The following CBX6 variants were observed in gnomAD, a reference collection of about 807,000 sequenced individuals.
CBX6 encodes the protein chromobox protein homolog 6.
Under a neutral mutation model 28.4 loss-of-function variants are expected in CBX6, and 7 were observed. That is an observed-to-expected ratio of 0.25 (90% CI 0.14 to 0.46). CBX6 has a LOEUF of 0.46. CBX6 is among the 20% of genes least tolerant of loss of function. The pLI, the probability that CBX6 is intolerant of heterozygous loss-of-function variation, is 0.99. For synonymous variants in CBX6, 297 were observed against 273.4 expected (o/e 1.09, Z -0.85); for missense variants, 512 against 606.1 (o/e 0.84, Z 1.63).
rs1258386916 is a variant in CBX6 at position 38,866,076 on chromosome 22, C to T, written c.*133G>A. On this transcript the variant is annotated 3_prime_UTR_variant, in exon 5 of 5. Coordinates refer to ENST00000407418, the MANE Select transcript of CBX6 (RefSeq NM_014292.5). The surrounding 1 kb of genome is among the most constrained non-coding windows in gnomAD (Gnocchi z 7.5). ...GGACCCCAACTACCCAGCCCCATCC[C>T]TGGGTCAACACCGAGCCATTTGAGA... 1.3e-6 allele frequency: 1 copy of T among 753,504 alleles called. No homozygotes were observed. Among genetic ancestry groups the T allele is most frequent in the Non-Finnish European group, 2.1e-6 (1 of 475,308 alleles). The allele number at this position is 753,504 out of a possible 1,614,324, so 46.7% of individuals were successfully genotyped here.
chr22:38,872,186 T>G lies in CBX6; in HGVS notation c.5A>C (p.Glu2Ala). The G allele has an allele frequency of 7.1e-7, 1 of 1,403,824 alleles. No homozygotes were observed. The highest frequency in any genetic ancestry group is 9.4e-7 in the Non-Finnish European group (1 of 1,060,486). The allele number at this position is 1,403,824 out of a possible 1,614,324, so 87.0% of individuals were successfully genotyped here. A position where few individuals can be genotyped will look rare whatever the true frequency, so the allele number is the denominator to read the frequency against. The change falls in exon 1 of 5, where the codon GAG becomes GCG. Residue 2 changes from glutamate (E) to alanine (A), a missense_variant. Physicochemically the swap from Glu to Ala is moderately radical, Grantham distance 107. Around this residue, in one of 7 missense-constraint regions of CBX6, gnomAD observed 27 missense variants for 30.9 expected, o/e 0.87. Coordinates refer to ENST00000407418, the MANE Select transcript of CBX6 (RefSeq NM_014292.5). This position sits in a 1 kb window ranked among gnomAD's most constrained non-coding sequence, Gnocchi z 5.0. MELSAVGERVFA... is the reference protein window; with the variant it reads MALSAVGERVFA... The stretch of plus-strand genomic sequence containing the variant: ...GACCCGCTCGCCCACTGCAGACAGC[T>G]CCATCTTGCTCAGCGGCACCCACAG...
At position 38,871,873 on chromosome 22, in the gene CBX6, G is replaced by A; in HGVS notation, c.113+29C>T. 6 of 1,516,210 alleles carry A rather than the reference G, an allele frequency of 4.0e-6. No individual in the cohort carries two copies. The highest frequency in any genetic ancestry group is 5.4e-6 in the Non-Finnish European group (6 of 1,121,144). The allele number at this position is 1,516,210 out of a possible 1,614,324, so 93.9% of individuals were successfully genotyped here. ...CCCGGTGCCCGCTGCCTCCCCTCCC[G>A]CGACGCCCCCGGACCCCGCGACACT... On this transcript the variant is annotated intron_variant, in intron 2 of 4. Coordinates refer to ENST00000407418, the MANE Select transcript of CBX6 (RefSeq NM_014292.5). The surrounding 1 kb of genome is among the most constrained non-coding windows in gnomAD (Gnocchi z 5.6).
chr22:38,871,204 C>A lies in CBX6; in HGVS notation c.246+276G>T. On this transcript the variant is annotated intron_variant, in intron 4 of 4. Transcript: ENST00000407418. This position sits in a 1 kb window ranked among gnomAD's most constrained non-coding sequence, Gnocchi z 5.6. ...GGCATCCCCCACCTGCCTCAGCCAC[C>A]CCCTTTCCTGGAGCCCTAAAGGCAT... The A allele has an allele frequency of 1.8e-6, 1 of 544,772 alleles. No homozygotes were observed. The highest frequency in any genetic ancestry group is 3.2e-6 in the Non-Finnish European group (1 of 307,822). The allele number at this position is 544,772 out of a possible 1,614,324, so 33.7% of individuals were successfully genotyped here. A position where few individuals can be genotyped will look rare whatever the true frequency, so the allele number is the denominator to read the frequency against.
chr22:38,869,157 T>C (rs948565307), intron 4 of CBX6, among the ~76,000 whole-genome samples: 2 of 152,222 alleles, frequency 1.3e-5, no homozygotes, highest in South Asian at 2.1e-4. Context: ...TTTGGCGTGG[T>C]AAGCAGACAT....
chr22:38,866,381 C>T lies in CBX6; in HGVS notation c.1067G>A (p.Gly356Glu). ...GGGTGACATCTCGGGGCGCCAGTCC[C>T]CAGCCTCGGGCTCGGAGGAGGCACC... ...PAGASSEPEAGDWRPEMSPCS... is the reference protein window; with the variant it reads ...PAGASSEPEAEDWRPEMSPCS... Residue 356 changes from glycine (G) to glutamate (E), a missense_variant, in exon 5 of 5, where the codon GGG (glycine) becomes GAG (glutamate). By Grantham distance (98) the Gly-to-Glu change is moderately conservative (BLOSUM62 -2). Transcript: ENST00000407418. The surrounding 1 kb of genome is among the most constrained non-coding windows in gnomAD (Gnocchi z 7.5). 1 of 1,613,552 alleles carries T rather than the reference C, an allele frequency of 6.2e-7. No individual in the cohort carries two copies. Among genetic ancestry groups the T allele is most frequent in the Non-Finnish European group, 8.5e-7 (1 of 1,179,950 alleles).
At position 38,871,029 on chromosome 22, in the gene CBX6, C is replaced by T. The variant is rs1275869769; in HGVS notation, c.246+451G>A. 1 of 170,864 alleles carries T rather than the reference C, an allele frequency of 5.9e-6. No individual in the cohort carries two copies. Among genetic ancestry groups the T allele is most frequent in the Non-Finnish European group, 1.3e-5 (1 of 79,306 alleles). 10.6% of individuals were successfully genotyped at this position (170,864 alleles called of 1,614,324 possible). Reference sequence around the variant, plus strand: ...GCCATGAAGAACAAATCCTGAAAGACTGAACGGGGGAAGCTGGGGGCAGGG... The same window carrying T: ...GCCATGAAGAACAAATCCTGAAAGATTGAACGGGGGAAGCTGGGGGCAGGG... On this transcript the variant is annotated intron_variant, in intron 4 of 4. Coordinates refer to ENST00000407418, the MANE Select transcript of CBX6 (RefSeq NM_014292.5). The surrounding 1 kb of genome is among the most constrained non-coding windows in gnomAD (Gnocchi z 5.6).
intron 4 of CBX6, among the ~76,000 whole-genome samples, chr22:38,868,336 G>A (rs527285045): frequency 3.2e-4 from 48 of 152,314 alleles, no homozygotes; most frequent in African/African-American, 1.1e-3. Context: ...TTCGTGCAGC[G>A]AAAGAACCAC....
Position 38,866,730 on chromosome 22 carries a change from C to A in CBX6, c.718G>T (p.Ala240Ser). 7.9e-7 allele frequency: 1 copy of A among 1,265,674 alleles called. No individual in the cohort carries two copies. Among genetic ancestry groups the A allele is most frequent in the Non-Finnish European group, 1.0e-6 (1 of 964,236 alleles). 78.4% of individuals were successfully genotyped at this position (1,265,674 alleles called of 1,614,324 possible). A position where few individuals can be genotyped will look rare whatever the true frequency, so the allele number is the denominator to read the frequency against. ...CCGGGGGACGGGGCTACCAGGGGGGCGGGCGGAGGCTTGTACAGCGCAAAG... is the reference window on the plus strand; with the variant it reads ...CCGGGGGACGGGGCTACCAGGGGGGAGGGCGGAGGCTTGTACAGCGCAAAG... ...GAFALYKPPP[A>S]PLVAPSPGKA... The change falls in exon 5 of 5, where the codon GCC becomes TCC. Residue 240 changes from alanine (A) to serine (S), a missense_variant. By Grantham distance (99) the Ala-to-Ser change is moderately conservative (BLOSUM62 1). This residue lies in a region of CBX6 where 290 missense variants were observed against 274.1 expected (regional missense o/e 1.06). Transcript: ENST00000407418. This position sits in a 1 kb window ranked among gnomAD's most constrained non-coding sequence, Gnocchi z 7.5.
intron 4 of CBX6, among the ~76,000 whole-genome samples, chr22:38,867,910 T>C (rs2093174436): frequency 6.6e-6 from 1 of 152,220 alleles, no homozygotes; most frequent in African/African-American, 2.4e-5. Flanking sequence ...AGACGTGAGT[T>C]TGGTGGGGAC....
At position 38,870,606 on chromosome 22, in the gene CBX6, A is replaced by AAAAGAGTCCT. The variant is rs1203061250; in HGVS notation, c.246+864_246+873dup. ...TTTCACTTCTGCTTCTCTTCTCCGA[A>AAAAGAGTCCT]AAAGAGTCCTCCCACAAAGTCACCG... On this transcript the variant is annotated intron_variant, in intron 4 of 4. Coordinates refer to ENST00000407418, the MANE Select transcript of CBX6 (RefSeq NM_014292.5). This position sits in a 1 kb window ranked among gnomAD's most constrained non-coding sequence, Gnocchi z 4.3. 1 of 152,230 alleles carries AAAAGAGTCCT rather than the reference A, an allele frequency of 6.6e-6. No individual in the cohort carries two copies. The allele number at this position is 152,230 out of a possible 1,614,324, so 9.4% of individuals were successfully genotyped here.
In CBX6 at chr22:38,865,889, A is replaced by C; in HGVS notation, c.*320T>G. The stretch of plus-strand genomic sequence containing the variant: ...ACCGAGAAATCAGACGCCGCACAGG[A>C]GAGCAGGAAGCAAGCTAGAGAGACA... On this transcript the variant is annotated 3_prime_UTR_variant, in exon 5 of 5. Coordinates refer to ENST00000407418, the MANE Select transcript of CBX6 (RefSeq NM_014292.5). The C allele has an allele frequency of 2.9e-6, 1 of 350,054 alleles. No homozygotes were observed. 21.7% of individuals were successfully genotyped at this position (350,054 alleles called of 1,614,324 possible). A position where few individuals can be genotyped will look rare whatever the true frequency, so the allele number is the denominator to read the frequency against.
At chr22:38,869,437 G>C (rs1034385026) in intron 4 of CBX6, 3 of 151,936 alleles carry the variant, frequency 2.0e-5, no homozygotes, top group Non-Finnish European at 4.4e-5. Context: ...GCTCAGCACA[G>C]TGCCTGGCAC....
At position 38,863,688 on chromosome 22, in the gene CBX6, G is replaced by A. The variant is rs543073876; in HGVS notation, c.*2521C>T. On this transcript the variant is annotated 3_prime_UTR_variant, in exon 5 of 5. Coordinates refer to ENST00000407418, the MANE Select transcript of CBX6 (RefSeq NM_014292.5). ...GCAGAAGCAGACCACCTGTGGCAAG[G>A]GAAATGCATTCCCTCTCCCCAGCCA... is the stretch of plus-strand genomic sequence containing the variant. The A allele has an allele frequency of 1.3e-5, 2 of 152,306 alleles. No homozygotes were observed. Among genetic ancestry groups the A allele is most frequent in the African/African-American group, 4.8e-5 (2 of 41,458 alleles). 9.4% of individuals were successfully genotyped at this position (152,306 alleles called of 1,614,324 possible).
In CBX6 at chr22:38,863,227, G is replaced by A. The variant is rs1470703640; in HGVS notation, c.*2982C>T. On this transcript the variant is annotated 3_prime_UTR_variant, in exon 5 of 5. Transcript: ENST00000407418. The stretch of plus-strand genomic sequence containing the variant: ...CAGAGTGGGCACCCAGACAGGGATG[G>A]GTCCCAACTTACCGTCTCAAACCAG... 1 of 152,160 alleles carries A rather than the reference G, an allele frequency of 6.6e-6. No individual in the cohort carries two copies. The highest frequency in any genetic ancestry group is 2.1e-4 in the South Asian group (1 of 4,830). The allele number at this position is 152,160 out of a possible 1,614,324, so 9.4% of individuals were successfully genotyped here. A position where few individuals can be genotyped will look rare whatever the true frequency, so the allele number is the denominator to read the frequency against.
At position 38,866,654 on chromosome 22, in the gene CBX6, G is replaced by A. The variant is rs550724234; in HGVS notation, c.794C>T (p.Ala265Val). 3 of 1,531,930 alleles carry A rather than the reference G, an allele frequency of 2.0e-6. No individual in the cohort carries two copies. Among genetic ancestry groups the A allele is most frequent in the Non-Finnish European group, 2.6e-6 (3 of 1,144,324 alleles). The allele number at this position is 1,531,930 out of a possible 1,614,324, so 94.9% of individuals were successfully genotyped here. The part of the protein sequence containing the change: ...PGPGLLLAAP[A>V]APYDARSSGS... ...AGAGCTGCGGGCGTCGTAGGGGGCG[G>A]CGGGGGCGGCCAGAAGTAGCCCAGG... The change falls in exon 5 of 5, where the codon GCC becomes GTC. Residue 265 changes from alanine to valine, a missense_variant. Ala to Val is a moderately conservative substitution (Grantham distance 64). Coordinates refer to ENST00000407418, the MANE Select transcript of CBX6 (RefSeq NM_014292.5). This position sits in a 1 kb window ranked among gnomAD's most constrained non-coding sequence, Gnocchi z 7.5.
chr22:38,866,455 C>T lies in CBX6; in HGVS notation c.993G>A (p.Glu331=). ...GTGCCGGGCCGGCAGCAGCTGTGAC[C>T]TCAGGCGGTGCCCGCTTGCTGGTGG... is the stretch of plus-strand genomic sequence containing the variant. ...SAATSKRAPP[E]VTAAAGPAPP... The change falls in exon 5 of 5, where the codon GAG becomes GAA. Residue 331 remains glutamate (E), a synonymous_variant. Coordinates refer to ENST00000407418, the MANE Select transcript of CBX6 (RefSeq NM_014292.5). This position sits in a 1 kb window ranked among gnomAD's most constrained non-coding sequence, Gnocchi z 7.5. 6.2e-7 allele frequency: 1 copy of T among 1,607,086 alleles called. No homozygotes were observed. The highest frequency in any genetic ancestry group is 8.5e-7 in the Non-Finnish European group (1 of 1,178,756).
rs1384087497 is a variant in CBX6, at chr22:38,866,101, ACAAG to A, written c.*104_*107del. On this transcript the variant is annotated 3_prime_UTR_variant, in exon 5 of 5. Transcript: ENST00000407418. This position sits in a 1 kb window ranked among gnomAD's most constrained non-coding sequence, Gnocchi z 7.5. Reference sequence around the variant, plus strand: ...CTGGGTCAACACCGAGCCATTTGAGACAAGCAAAGCACAGGGAGAGAGGGCTGGG... The same window carrying A: ...CTGGGTCAACACCGAGCCATTTGAGACAAAGCACAGGGAGAGAGGGCTGGG... 4.5e-6 allele frequency: 4 copies of A among 882,428 alleles called. No homozygotes were observed. The highest frequency in any genetic ancestry group is 6.8e-6 in the Non-Finnish European group (4 of 588,098). The allele number at this position is 882,428 out of a possible 1,614,324, so 54.7% of individuals were successfully genotyped here. A position where few individuals can be genotyped will look rare whatever the true frequency, so the allele number is the denominator to read the frequency against.
In CBX6 at chr22:38,867,014, C is replaced by T. The variant is rs771664850; in HGVS notation, c.434G>A (p.Gly145Glu). Reference sequence around the variant, plus strand: ...GAAGGGCGAAATGGGCGGGCGCAGTCCGGGGCTGCCCCCCTGCGGGTCCGG... The same window carrying T: ...GAAGGGCGAAATGGGCGGGCGCAGTTCGGGGCTGCCCCCCTGCGGGTCCGG... ...PRPDPQGGSP[G>E]LRPPISPFSE... is the part of the protein sequence containing the mutation. Residue 145 changes from glycine to glutamate, a missense_variant, in exon 5 of 5, where the codon GGA becomes GAA. Physicochemically the swap from Gly to Glu is moderately conservative, Grantham distance 98. This residue lies in a region of CBX6 where 123 missense variants were observed against 138.1 expected (regional missense o/e 0.89). Coordinates refer to ENST00000407418, the MANE Select transcript of CBX6 (RefSeq NM_014292.5). 7 of 1,605,752 alleles carry T rather than the reference C, an allele frequency of 4.4e-6. No individual in the cohort carries two copies. The highest frequency in any genetic ancestry group is 5.9e-6 in the Non-Finnish European group (7 of 1,177,420).
chr22:38,866,806 C>T lies in CBX6; in HGVS notation c.642G>A (p.Lys214=), dbSNP rs756044775. Reference sequence around the variant, plus strand: ...GTGTACGCAGGACGCTCTCGCTGAACTTCTTGCTCTTGCCTATAACGCGGT... The same window carrying T: ...GTGTACGCAGGACGCTCTCGCTGAATTTCTTGCTCTTGCCTATAACGCGGT... ...SRNRVIGKSK[K]FSESVLRTQI... The change falls in exon 5 of 5, where the codon AAG becomes AAA. Residue 214 remains lysine, a synonymous_variant. Transcript: ENST00000407418. This position sits in a 1 kb window ranked among gnomAD's most constrained non-coding sequence, Gnocchi z 7.5. The T allele has an allele frequency of 1.2e-5, 19 of 1,612,674 alleles. No homozygotes were observed. The highest frequency in any genetic ancestry group is 1.6e-5 in the Non-Finnish European group (19 of 1,179,434).
Sources: allele counts gnomAD v4.1 joint callset (sites outside exome capture counted in the v4.1 genomes callset), GRCh38; gene constraint gnomAD v4.1.1; regional missense constraint gnomAD v4.1.1; non-coding constraint Gnocchi (gnomAD v3.1); transcripts MANE v1.5; gene names NCBI Gene and HGNC (gene_info 2026-07-23, HGNC 2026-07-21).